The following UBE2E2 variants were observed in gnomAD, a reference collection of about 807,000 sequenced individuals.
UBE2E2 encodes the protein ubiquitin conjugating enzyme E2 E2.
Under a neutral mutation model 24.7 loss-of-function variants are expected in UBE2E2, and 6 were observed. The observed-to-expected ratio is 0.24, with a 90% CI of 0.13 to 0.48. The LOEUF (loss-of-function observed/expected upper bound fraction) is 0.48, where lower values mean the gene tolerates loss of function less well. UBE2E2 is among the 20% of genes least tolerant of loss of function. The pLI is 0.99. For synonymous variants in UBE2E2, 104 were observed against 83.6 expected (o/e 1.24, Z -1.33); for missense variants, 169 against 245.0 (o/e 0.69, Z 2.07).
At chr3:23,461,803 C>T (rs184530152) in intron 3 of UBE2E2, among the ~76,000 whole-genome samples, 6 of 152,270 alleles carry the variant, frequency 3.9e-5, no homozygotes, top group Admixed American at 1.3e-4. Context: ...ATGAAGTTAA[C>T]ATATTCTGCT....
chr3:23,395,798 C>T (rs1393947484), intron 3 of UBE2E2, among the ~76,000 whole-genome samples: 3 of 152,104 alleles, frequency 2.0e-5, no homozygotes, highest in Non-Finnish European at 4.4e-5. Context: ...TCACATGCTT[C>T]GTAGCATAAG....
chr3:23,386,407 G>A (rs767796592), intron 3 of UBE2E2, among the ~76,000 whole-genome samples: 15 of 152,138 alleles, frequency 9.9e-5, no homozygotes, highest in Non-Finnish European at 2.1e-4. Context: ...CAGGTTGGGG[G>A]TTAAGATCTC....
chr3:23,229,841 T>A (rs1696926783), intron 3 of UBE2E2, among the ~76,000 whole-genome samples: 1 of 152,218 alleles, frequency 6.6e-6, no homozygotes, highest in Non-Finnish European at 1.5e-5. Context: ...AACTGATTTT[T>A]AATTTTAATT....
intron 4 of UBE2E2, among the ~76,000 whole-genome samples, chr3:23,517,181 C>T (rs1053658188): frequency 6.6e-6 from 1 of 151,940 alleles, no homozygotes; most frequent in African/African-American, 2.4e-5. Context: ...TTGAAGTAGA[C>T]ACAATGTAGT....
At chr3:23,255,734 T>G (rs1697706148) in intron 3 of UBE2E2, among the ~76,000 whole-genome samples, 2 of 152,212 alleles carry the variant, frequency 1.3e-5, no homozygotes, top group Non-Finnish European at 2.9e-5. Flanking sequence ...TTCAGCAGAT[T>G]TAGCAAAAAT....
chr3:23,456,403 C>T (rs986651029), intron 3 of UBE2E2, among the ~76,000 whole-genome samples: 1 of 152,214 alleles, frequency 6.6e-6, no homozygotes, highest in Non-Finnish European at 1.5e-5. Context: ...GTTGACTTTG[C>T]CCAGATCCAT....
intron 3 of UBE2E2, among the ~76,000 whole-genome samples, chr3:23,479,723 C>T (rs1250629514): frequency 6.6e-6 from 1 of 152,160 alleles, no homozygotes; most frequent in African/African-American, 2.4e-5. Flanking sequence ...ATGTGTAGCT[C>T]CTTTTTGCAG....
At chr3:23,286,328 A>G (rs1698613805) in intron 3 of UBE2E2, among the ~76,000 whole-genome samples, 1 of 152,166 alleles carries the variant, frequency 6.6e-6, no homozygotes, top group African/African-American at 2.4e-5. Flanking sequence ...AGTTTTGTAT[A>G]TGGTGAGAGA....
chr3:23,552,494 G>A (rs1695669208), intron 5 of UBE2E2, among the ~76,000 whole-genome samples: 1 of 152,110 alleles, frequency 6.6e-6, no homozygotes, highest in African/African-American at 2.4e-5. Flanking sequence ...TTTTCATCTA[G>A]GCACAAGGTA....
At chr3:23,417,444 G>T (rs1006677044) in intron 3 of UBE2E2, among the ~76,000 whole-genome samples, 3 of 152,194 alleles carry the variant, frequency 2.0e-5, no homozygotes, top group Admixed American at 6.5e-5. Flanking sequence ...AGGGGCACCT[G>T]CCAGATGCCA....
At chr3:23,413,545 T>C (rs936979908) in intron 3 of UBE2E2, among the ~76,000 whole-genome samples, 1 of 152,112 alleles carries the variant, frequency 6.6e-6, no homozygotes, top group Non-Finnish European at 1.5e-5. Flanking sequence ...TCACTTTTGG[T>C]GTAAAAGATT....
At chr3:23,374,689 C>T (rs1412553390) in intron 3 of UBE2E2, among the ~76,000 whole-genome samples, 3 of 152,236 alleles carry the variant, frequency 2.0e-5, no homozygotes. Flanking sequence ...AGCCTGCTAA[C>T]TACACCACAG....
intron 4 of UBE2E2, among the ~76,000 whole-genome samples, chr3:23,503,590 A>G (rs1453742275): frequency 6.6e-6 from 1 of 152,112 alleles, no homozygotes; most frequent in African/African-American, 2.4e-5. Context: ...GCAGTTGCTC[A>G]CACTGGTAAT....
At position 23,210,100 on chromosome 3, in the gene UBE2E2, G is replaced by C. The variant is rs188406307; in HGVS notation, c.176+1225G>C. Among the ~76,000 whole-genome samples the C allele has an allele frequency of 1.1e-4, 16 of 152,246 alleles. No homozygotes were observed. The East Asian group carries it at 2.9e-3, about 28-fold the overall frequency. The stretch of plus-strand genomic sequence containing the variant: ...CTGCTTAGAGGTGACCTGGAAAATG[G>C]GGGGTGGGGTTAGGATGGATGAGAA... On this transcript the variant is annotated intron_variant, in intron 2 of 5. Transcript: ENST00000396703.
At chr3:23,419,009 T>C (rs1697725353) in intron 3 of UBE2E2, among the ~76,000 whole-genome samples, 1 of 151,630 alleles carries the variant, frequency 6.6e-6, no homozygotes, top group East Asian at 1.9e-4. Context: ...GCTTGACTGC[T>C]GTGGCATGAT....
At chr3:23,398,303 A>ACTC (rs1697128720) in intron 3 of UBE2E2, among the ~76,000 whole-genome samples, 1 of 106,708 alleles carries the variant, frequency 9.4e-6, no homozygotes, top group African/African-American at 4.9e-5. Context: ...GCAGAGCAAG[A>ACTC]CTCCATCTCA....
At chr3:23,372,083 A>T (rs1696412783) in intron 3 of UBE2E2, among the ~76,000 whole-genome samples, 2 of 152,122 alleles carry the variant, frequency 1.3e-5, no homozygotes. Flanking sequence ...ACGCCACTGC[A>T]CTCCAGCCTG....
At chr3:23,414,672 T>G (rs1697581438) in intron 3 of UBE2E2, among the ~76,000 whole-genome samples, 2 of 152,188 alleles carry the variant, frequency 1.3e-5, no homozygotes, top group African/African-American at 4.8e-5. Flanking sequence ...AATTCTTATG[T>G]TGAAATCTCA....
At chr3:23,351,414 A>G (rs1204221758) in intron 3 of UBE2E2, among the ~76,000 whole-genome samples, 1 of 152,262 alleles carries the variant, frequency 6.6e-6, no homozygotes, top group Non-Finnish European at 1.5e-5. Flanking sequence ...AATGGACTGA[A>G]TGCTCCAATT....
Sources: gnomAD v4.1 joint callset for allele counts (sites outside exome capture counted in the v4.1 genomes callset) on GRCh38, gnomAD v4.1.1 for gene constraint, MANE v1.5 for transcripts, NCBI Gene and HGNC (gene_info 2026-07-23, HGNC 2026-07-21) for gene names.